The following BRINP3 variants were observed in gnomAD, a reference collection of about 807,000 sequenced individuals.
BRINP3 encodes BMP/retinoic acid-inducible neural-specific protein 3.
Under a neutral mutation model 71.0 loss-of-function variants are expected in BRINP3, and 19 were observed. The ratio of observed to expected loss-of-function variants is 0.27; its 90% CI spans 0.19 to 0.39. The LOEUF is 0.39. Among genes scored for constraint, BRINP3 ranks in the 10% least tolerant of loss-of-function variants. The probability of loss-of-function intolerance (pLI) is 1.00; values close to 1 mark genes in which losing one functional copy is unlikely to be tolerated. For missense variants in BRINP3, 959 were observed against 940.8 expected (o/e 1.02, Z -0.25); for synonymous variants, 380 against 337.7 (o/e 1.13, Z -1.37).
At chr1:190,128,460 G>A (rs1055863720) in intron 7 of BRINP3, among the ~76,000 whole-genome samples, 2 of 151,696 alleles carry the variant, frequency 1.3e-5, no homozygotes, top group African/African-American at 4.8e-5. Flanking sequence ...ATTTACAATT[G>A]ATGATGTATG....
chr1:190,477,433 A>G lies in BRINP3; in HGVS notation c.-51+15T>C, dbSNP rs1255058840. 1 of 152,224 alleles carries G rather than the reference A, an allele frequency of 6.6e-6. No individual in the cohort carries two copies. Among genetic ancestry groups the G allele is most frequent in the Non-Finnish European group, 1.5e-5 (1 of 68,040 alleles). 9.4% of individuals were successfully genotyped at this position (152,224 alleles called of 1,614,324 possible). A position where few individuals can be genotyped will look rare whatever the true frequency, so the allele number is the denominator to read the frequency against. On this transcript the variant is annotated intron_variant, in intron 1 of 7. Coordinates refer to ENST00000367462, the MANE Select transcript of BRINP3 (RefSeq NM_199051.3). Reference sequence around the variant, plus strand: ...ATAGTTAAGTTTCTAGTAACAGATAAAGAGAATAACTTACCAGAGGAAATT... The same window carrying G: ...ATAGTTAAGTTTCTAGTAACAGATAGAGAGAATAACTTACCAGAGGAAATT...
At chr1:190,180,112 G>C (rs1279429898) in intron 6 of BRINP3, among the ~76,000 whole-genome samples, 4 of 152,046 alleles carry the variant, frequency 2.6e-5, no homozygotes, top group African/African-American at 9.7e-5. Context: ...CTTTGACCTG[G>C]GGACAGGAGA....
intron 1 of BRINP3, among the ~76,000 whole-genome samples, chr1:190,463,845 C>T (rs1016691212): frequency 1.3e-5 from 2 of 151,728 alleles, no homozygotes; most frequent in Non-Finnish European, 3.0e-5. Flanking sequence ...TTTTAGATAG[C>T]CAGCAAACTA....
At chr1:190,238,421 G>C (rs1225925667) in intron 4 of BRINP3, among the ~76,000 whole-genome samples, 1 of 151,734 alleles carries the variant, frequency 6.6e-6, no homozygotes, top group Non-Finnish European at 1.5e-5. Flanking sequence ...ACAGCAAATG[G>C]CTCATATCTA....
intron 3 of BRINP3, among the ~76,000 whole-genome samples, chr1:190,266,456 G>A (rs938808812): frequency 6.6e-6 from 1 of 152,130 alleles, no homozygotes; most frequent in African/African-American, 2.4e-5. Flanking sequence ...AAATCAGTTA[G>A]AGGAAGGAGA....
At chr1:190,132,744 T>C (rs1311707880) in intron 7 of BRINP3, among the ~76,000 whole-genome samples, 1 of 152,094 alleles carries the variant, frequency 6.6e-6, no homozygotes, top group African/African-American at 2.4e-5. Flanking sequence ...GAAGTGGGGC[T>C]TAATTACCCT....
intron 2 of BRINP3, among the ~76,000 whole-genome samples, chr1:190,288,487 A>C (rs948843568): frequency 1.3e-5 from 2 of 151,952 alleles, no homozygotes; most frequent in African/African-American, 4.8e-5. Context: ...TGAAGTTTCA[A>C]ATCCTATACT....
intron 7 of BRINP3, among the ~76,000 whole-genome samples, chr1:190,146,859 T>C (rs1655932728): frequency 1.3e-5 from 2 of 152,046 alleles, no homozygotes; most frequent in African/African-American, 2.4e-5. Context: ...TAGTATTATA[T>C]TGCAATATTA....
intron 2 of BRINP3, among the ~76,000 whole-genome samples, chr1:190,287,464 AT>A (rs1010839460): frequency 1.1e-4 from 17 of 150,708 alleles, no homozygotes; most frequent in East Asian, 5.8e-4. Context: ...GTAGAGTTTA[AT>A]TTTTTTTTTA....
In BRINP3 at chr1:190,110,572, A is replaced by G. The variant is rs142020848; in HGVS notation, c.1185-11438T>C. 8.3e-4 allele frequency among the ~76,000 whole-genome samples: 126 copies of G among 152,332 alleles called. 2 individuals carry two copies. The highest frequency in any genetic ancestry group is 2.9e-3 in the African/African-American group (120 of 41,574). ...ATAGTTTAGCCAAGTACCCTCTACT[A>G]AAACACATATTTCATAGAGTATGTT... On this transcript the variant is annotated intron_variant, in intron 7 of 7. Coordinates refer to ENST00000367462, the MANE Select transcript of BRINP3 (RefSeq NM_199051.3).
chr1:190,442,534 C>T (rs1235079456), intron 2 of BRINP3, among the ~76,000 whole-genome samples: 1 of 152,098 alleles, frequency 6.6e-6, no homozygotes, highest in Non-Finnish European at 1.5e-5. Context: ...TAGGTAGATT[C>T]CACCTATGTG....
At chr1:190,293,347 C>T (rs1400833228) in intron 2 of BRINP3, among the ~76,000 whole-genome samples, 2 of 151,870 alleles carry the variant, frequency 1.3e-5, no homozygotes, top group African/African-American at 4.8e-5. Flanking sequence ...CCTCTTGTTA[C>T]TGATTTCTAG....
At chr1:190,151,125 T>A (rs1656355291) in intron 7 of BRINP3, among the ~76,000 whole-genome samples, 1 of 151,990 alleles carries the variant, frequency 6.6e-6, no homozygotes, top group Admixed American at 6.6e-5. Flanking sequence ...CCATCCTGGG[T>A]GACAGAGCAA....
chr1:190,417,831 G>A (rs1673109003), intron 2 of BRINP3, among the ~76,000 whole-genome samples: 1 of 152,122 alleles, frequency 6.6e-6, no homozygotes, highest in South Asian at 2.1e-4. Flanking sequence ...AAGAAATATT[G>A]GAAGCTGTGT....
At chr1:190,363,128 C>T (rs981148942) in intron 2 of BRINP3, among the ~76,000 whole-genome samples, 1 of 152,090 alleles carries the variant, frequency 6.6e-6, no homozygotes, top group Non-Finnish European at 1.5e-5. Flanking sequence ...TTTGAGAGGG[C>T]CTATTGGGAT....
At chr1:190,116,077 G>A (rs1209632520) in intron 7 of BRINP3, among the ~76,000 whole-genome samples, 9 of 151,980 alleles carry the variant, frequency 5.9e-5, no homozygotes, top group Admixed American at 5.9e-4. Context: ...AAAATCAGAG[G>A]AAAAATGAAG....
At chr1:190,260,052 G>A (rs1571548124) in intron 4 of BRINP3, among the ~76,000 whole-genome samples, 1 of 127,398 alleles carries the variant, frequency 7.8e-6, no homozygotes. Flanking sequence ...AAAAAAAAAA[G>A]AAGCAACTTA....
intron 5 of BRINP3, among the ~76,000 whole-genome samples, chr1:190,227,627 C>A (rs890323373): frequency 2.0e-5 from 3 of 151,692 alleles, no homozygotes; most frequent in Non-Finnish European, 4.4e-5. Flanking sequence ...AGTAAAAAAA[C>A]TTTTTATTAA....
chr1:190,123,736 C>T lies in BRINP3; in HGVS notation c.1185-24602G>A, dbSNP rs1571765162. ...CAGCCAAAAGGAAAAACTATGTAGACTTTTCATTGCAAAAGTTCCAGTGAA... is the reference window on the plus strand; with the variant it reads ...CAGCCAAAAGGAAAAACTATGTAGATTTTTCATTGCAAAAGTTCCAGTGAA... On this transcript the variant is annotated intron_variant, in intron 7 of 7. Transcript: ENST00000367462. 2.6e-5 allele frequency among the ~76,000 whole-genome samples: 4 copies of T among 152,282 alleles called. No homozygotes were observed. In the East Asian group the frequency reaches 7.7e-4, roughly 29 times the overall value.
Sources: gnomAD v4.1 joint callset for allele counts (sites outside exome capture counted in the v4.1 genomes callset) on GRCh38, gnomAD v4.1.1 for gene constraint, MANE v1.5 for transcripts, NCBI Gene and HGNC (gene_info 2026-07-23, HGNC 2026-07-21) for gene names.